The following ADGB variants were observed in gnomAD, a reference collection of about 807,000 sequenced individuals.
The protein encoded by ADGB is androglobin.
A neutral mutation model predicts 210.5 loss-of-function variants in ADGB; 172 were observed. The observed-to-expected ratio is 0.82, with a 90% CI of 0.72 to 0.93. The LOEUF is 0.93. Among genes scored for constraint, ADGB ranks in the 40% least tolerant of loss-of-function variants. The pLI, the probability that ADGB is intolerant of heterozygous loss-of-function variation, is 0.00. For missense variants in ADGB, 2,025 were observed against 1,964.8 expected, an observed-to-expected ratio of 1.03 and a Z score of -0.58; for synonymous variants, 658 against 662.7, an observed-to-expected ratio of 0.99 and a Z score of 0.11.
intron 26 of ADGB, among the ~76,000 whole-genome samples, chr6:146,748,664 A>G (rs563125717): frequency 6.6e-6 from 1 of 152,230 alleles, no homozygotes; most frequent in African/African-American, 2.4e-5. Flanking sequence ...TGGCTCACTA[A>G]AAACTAACTC....
chr6:146,646,103 TAAA>T (rs1775606983), intron 3 of ADGB, among the ~76,000 whole-genome samples: 1 of 152,122 alleles, frequency 6.6e-6, no homozygotes, highest in East Asian at 1.9e-4. Context: ...TTTGGATAAG[TAAA>T]AAAGTTTTTT....
intron 13 of ADGB, among the ~76,000 whole-genome samples, chr6:146,704,061 T>C (rs781328711): frequency 1.8e-4 from 28 of 152,044 alleles, no homozygotes; most frequent in Admixed American, 7.9e-4. Context: ...TGATGATTAG[T>C]GATGTTGAGC....
intron 13 of ADGB, among the ~76,000 whole-genome samples, chr6:146,708,951 C>G (rs916553438): frequency 6.6e-6 from 1 of 151,952 alleles, no homozygotes; most frequent in Non-Finnish European, 1.5e-5. Context: ...TTCAATTTCA[C>G]AGTTTCTTTC....
intron 1 of ADGB, among the ~76,000 whole-genome samples, chr6:146,622,843 T>C (rs1780916071): frequency 6.6e-6 from 1 of 152,102 alleles, no homozygotes. Context: ...AGTTTTATAG[T>C]GTAAGTTTTA....
At chr6:146,747,783 A>AT (rs66842165) in intron 26 of ADGB, among the ~76,000 whole-genome samples, 33,210 of 140,796 alleles carry the variant, frequency 0.24, 4,072 homozygotes, top group Middle Eastern at 0.27. Context: ...ATATATATGT[A>AT]TTTTTTTTTT....
At chr6:146,761,284 G>A (rs1777485549) in intron 27 of ADGB, among the ~76,000 whole-genome samples, 3 of 151,954 alleles carry the variant, frequency 2.0e-5, no homozygotes, top group Admixed American at 2.0e-4. Context: ...AAGGTAGGCA[G>A]TCAAAATTAT....
At chr6:146,810,390 T>C (rs1483256434) in intron 35 of ADGB, among the ~76,000 whole-genome samples, 1 of 152,116 alleles carries the variant, frequency 6.6e-6, no homozygotes, top group Non-Finnish European at 1.5e-5. Context: ...GAAAACAGTA[T>C]GAAAGTTTCT....
intron 7 of ADGB, among the ~76,000 whole-genome samples, chr6:146,669,230 C>T (rs1449515350): frequency 6.6e-6 from 1 of 152,078 alleles, no homozygotes; most frequent in Admixed American, 6.6e-5. Flanking sequence ...GGCCACTCTG[C>T]TGGGTAGTGG....
chr6:146,803,263 G>A (rs564189819), intron 35 of ADGB: 2 of 1,596,014 alleles, frequency 1.3e-6, no homozygotes, highest in Admixed American at 1.7e-5. Context: ...TCATGGTCCT[G>A]AGAAACCTCA....
At chr6:146,736,679 C>A in intron 23 of ADGB, 88 bp downstream of exon 23, 1 of 763,190 alleles carries the variant, frequency 1.3e-6, no homozygotes, top group Non-Finnish European at 2.0e-6. Flanking sequence ...TTGAGAGCGC[C>A]CCAGTCACTG....
Position 146,685,784 on chromosome 6 carries a change from C to T in ADGB, c.1267C>T (p.Pro423Ser). The change falls in exon 10 of 36, where the codon CCT (proline) becomes TCT (serine). Residue 423 changes from proline to serine, a missense_variant. Transcript: ENST00000397944. ...SHMVVYATFT[P>S]LYLFENKIFS... The stretch of plus-strand genomic sequence containing the variant: ...TATGGTCGTATATGCGACATTTACA[C>T]CTCTTTATTTGTTTGAAAACAAGAT... 6.5e-7 allele frequency: 1 copy of T among 1,541,624 alleles called. No homozygotes were observed. Among genetic ancestry groups the T allele is most frequent in the South Asian group, 1.2e-5 (1 of 82,644 alleles).
rs755176278 is a variant in ADGB at position 146,599,136 on chromosome 6, G to A, written c.74+22G>A. The A allele has an allele frequency of 3.9e-6, 6 of 1,547,786 alleles. No homozygotes were observed. In the African/African-American group the frequency reaches 4.1e-5, roughly 11 times the overall value. ...AAGAGTAAGGGACCTCTGCCTGTCC[G>A]TCCCTCCCCTGGCCTAGCCCCTCGA... On this transcript the variant is annotated intron_variant, in intron 1 of 35. Transcript: ENST00000397944.
intron 20 of ADGB, among the ~76,000 whole-genome samples, chr6:146,732,681 G>A (rs866744111): frequency 1.3e-5 from 2 of 152,040 alleles, no homozygotes; most frequent in Non-Finnish European, 2.9e-5. Flanking sequence ...TTCAATATGA[G>A]GTTAGTACTA....
At chr6:146,606,870 T>C (rs1157851689) in intron 1 of ADGB, among the ~76,000 whole-genome samples, 1 of 152,142 alleles carries the variant, frequency 6.6e-6, no homozygotes, top group Non-Finnish European at 1.5e-5. Flanking sequence ...CATAGGATCG[T>C]CTTGGCTATT....
chr6:146,649,870 A>G (rs1775674036), intron 3 of ADGB, among the ~76,000 whole-genome samples: 1 of 152,176 alleles, frequency 6.6e-6, no homozygotes, highest in African/African-American at 2.4e-5. Context: ...GACTTATTTT[A>G]TGAATACTCA....
chr6:146,630,162 G>A (rs534472927), intron 1 of ADGB, among the ~76,000 whole-genome samples: 50 of 152,120 alleles, frequency 3.3e-4, no homozygotes, highest in East Asian at 1.2e-3. Context: ...GCTTGAACCC[G>A]GGAGGCGGAG....
chr6:146,620,950 T>G (rs1174300925), intron 1 of ADGB, among the ~76,000 whole-genome samples: 4 of 152,130 alleles, frequency 2.6e-5, no homozygotes, highest in Non-Finnish European at 4.4e-5. Context: ...CTTTTACTAC[T>G]TAGTATTGAC....
At chr6:146,732,063 T>A (rs1776996189) in intron 20 of ADGB, among the ~76,000 whole-genome samples, 1 of 152,152 alleles carries the variant, frequency 6.6e-6, no homozygotes, top group African/African-American at 2.4e-5. Flanking sequence ...CTCCTATGTG[T>A]CATTGCAATC....
At chr6:146,663,267 A>G (rs1775892057) in intron 5 of ADGB, among the ~76,000 whole-genome samples, 1 of 148,970 alleles carries the variant, frequency 6.7e-6, no homozygotes, top group Non-Finnish European at 1.5e-5. Flanking sequence ...TAAGGCTACT[A>G]TACCAGAATA....
Sources: allele counts gnomAD v4.1 joint callset (sites outside exome capture counted in the v4.1 genomes callset), GRCh38; gene constraint gnomAD v4.1.1; transcripts MANE v1.5; gene names NCBI Gene and HGNC (gene_info 2026-07-23, HGNC 2026-07-21).